The following KIAA1549L variants were observed in gnomAD, a reference collection of about 807,000 sequenced individuals.
The protein encoded by KIAA1549L is KIAA1549 like.
In KIAA1549L, 88 loss-of-function variants were observed where a neutral mutation model predicts 160.7. The observed-to-expected ratio is 0.55, with a 90% confidence interval of 0.46 to 0.65. KIAA1549L has a LOEUF of 0.65. KIAA1549L is among the 30% of genes least tolerant of loss of function. KIAA1549L has a pLI of 0.00. For synonymous variants in KIAA1549L, 950 were observed against 976.7 expected (o/e 0.97, Z 0.51); for missense variants, 2,258 against 2,437.5 (o/e 0.93, Z 1.55).
At chr11:33,481,435 G>T (rs1852409812) in intron 1 of KIAA1549L, among the ~76,000 whole-genome samples, 1 of 152,164 alleles carries the variant, frequency 6.6e-6, no homozygotes, top group Non-Finnish European at 1.5e-5. Context: ...TAGTTTTAAT[G>T]CATAAATTGT....
intron 1 of KIAA1549L, among the ~76,000 whole-genome samples, chr11:33,503,109 A>G (rs1852990575): frequency 6.6e-6 from 1 of 152,176 alleles, no homozygotes; most frequent in Admixed American, 6.5e-5. Context: ...AGTCCCCCTC[A>G]TGCCACCTTT....
intron 1 of KIAA1549L, among the ~76,000 whole-genome samples, chr11:33,401,049 T>C (rs1850488408): frequency 6.6e-6 from 1 of 152,168 alleles, no homozygotes; most frequent in South Asian, 2.1e-4. Flanking sequence ...GTCCCAGGTC[T>C]AAGGATGAGA....
chr11:33,450,265 G>A (rs1479629805), intron 1 of KIAA1549L, among the ~76,000 whole-genome samples: 2 of 152,108 alleles, frequency 1.3e-5, no homozygotes, highest in African/African-American at 2.4e-5. Flanking sequence ...AGACGTATCC[G>A]TAGAAAACTG....
chr11:33,531,765 G>A (rs190927143), intron 1 of KIAA1549L, among the ~76,000 whole-genome samples: 12 of 152,312 alleles, frequency 7.9e-5, no homozygotes, highest in East Asian at 3.9e-4. Context: ...ACTTAGGGCC[G>A]TGGAAGGGTT....
At chr11:33,437,816 T>G (rs542691652) in intron 1 of KIAA1549L, among the ~76,000 whole-genome samples, 16 of 152,174 alleles carry the variant, frequency 1.1e-4, no homozygotes, top group African/African-American at 2.9e-4. Context: ...AGTGGGTCAG[T>G]TGGGAAGTCA....
Position 33,439,348 on chromosome 11 carries a change from A to T in KIAA1549L, c.238+62459A>T, listed in dbSNP as rs529420390. Among the ~76,000 whole-genome samples the T allele has an allele frequency of 5.9e-5, 9 of 152,278 alleles. No homozygotes were observed. The South Asian group carries it at 1.9e-3, about 32-fold the overall frequency. On this transcript the variant is annotated intron_variant, in intron 1 of 20. Transcript: ENST00000658780. The stretch of plus-strand genomic sequence containing the variant: ...CATGCATAGGATATATACTGATCAG[A>T]TCAAGGTATTTGGGGGTATCTATCA...
intron 1 of KIAA1549L, among the ~76,000 whole-genome samples, chr11:33,408,962 A>AG (rs2134083439): frequency 6.6e-6 from 1 of 151,086 alleles, no homozygotes; most frequent in East Asian, 1.9e-4. Context: ...AAAAAAAAAA[A>AG]AAAAAAAAAT....
intron 1 of KIAA1549L, among the ~76,000 whole-genome samples, chr11:33,478,379 T>C (rs113635643): frequency 6.6e-6 from 1 of 152,218 alleles, no homozygotes; most frequent in Admixed American, 6.5e-5. Context: ...AGTTTTGTCT[T>C]GGGGAAAACA....
At chr11:33,427,665 G>T (rs1169783941) in intron 1 of KIAA1549L, among the ~76,000 whole-genome samples, 2 of 152,034 alleles carry the variant, frequency 1.3e-5, no homozygotes, top group Admixed American at 6.6e-5. Context: ...TCATTTTGGT[G>T]TTTTAAAGTG....
At chr11:33,387,300 C>G (rs1554972623) in intron 1 of KIAA1549L, among the ~76,000 whole-genome samples, 2 of 151,862 alleles carry the variant, frequency 1.3e-5, no homozygotes, top group East Asian at 1.9e-4. Context: ...CATTCTCTCT[C>G]TCTTTATTTT....
intron 17 of KIAA1549L, among the ~76,000 whole-genome samples, chr11:33,650,285 A>G (rs963428469): frequency 3.3e-5 from 5 of 152,174 alleles, no homozygotes; most frequent in Non-Finnish European, 5.9e-5. Context: ...AAATCCTTAT[A>G]ATGAGTAAAA....
chr11:33,564,293 C>T (rs1854974315), intron 8 of KIAA1549L, among the ~76,000 whole-genome samples: 1 of 152,214 alleles, frequency 6.6e-6, no homozygotes, highest in African/African-American at 2.4e-5. Context: ...CCCAGACATG[C>T]ATCACAGGCT....
At chr11:33,659,473 A>G (rs185251068) in intron 19 of KIAA1549L, among the ~76,000 whole-genome samples, 6 of 152,376 alleles carry the variant, frequency 3.9e-5, no homozygotes, top group Middle Eastern at 3.4e-3. Context: ...GATAAGCCAC[A>G]GTTTAGACTT....
chr11:33,556,486 A>C (rs1024370607), intron 6 of KIAA1549L, among the ~76,000 whole-genome samples: 1 of 152,220 alleles, frequency 6.6e-6, no homozygotes, highest in African/African-American at 2.4e-5. Flanking sequence ...TTTAAAAATG[A>C]AGGAAATAAT....
In KIAA1549L at chr11:33,433,685, A is replaced by AAC. The variant is rs567687659; in HGVS notation, c.238+56797_238+56798dup. ...TTTACAATAGCAAAGACATGGAACCAACCCAAATGCCCATCAATTATAGAC... is the reference window on the plus strand; with the variant it reads ...TTTACAATAGCAAAGACATGGAACCAACACCCAAATGCCCATCAATTATAGAC... On this transcript the variant is annotated intron_variant, in intron 1 of 20. Transcript: ENST00000658780. Among the ~76,000 whole-genome samples, 1,498 of 152,316 alleles carry AAC rather than the reference A, an allele frequency of 9.8e-3. 20 individuals are homozygous for AAC. The highest frequency in any genetic ancestry group is 0.041 in the South Asian group (200 of 4,830).
chr11:33,596,432 G>T (rs1471708796), intron 12 of KIAA1549L, among the ~76,000 whole-genome samples: 1 of 152,090 alleles, frequency 6.6e-6, no homozygotes, highest in Admixed American at 6.6e-5. Context: ...GAAATGGTAT[G>T]AAAATGCTAC....
At chr11:33,403,020 A>G (rs750769559) in intron 1 of KIAA1549L, among the ~76,000 whole-genome samples, 1 of 151,568 alleles carries the variant, frequency 6.6e-6, no homozygotes, top group Non-Finnish European at 1.5e-5. Context: ...GAGAGGCAAT[A>G]CTCTTTTCTG....
intron 1 of KIAA1549L, among the ~76,000 whole-genome samples, chr11:33,537,535 T>A (rs1001994372): frequency 7.9e-5 from 12 of 152,138 alleles, no homozygotes; most frequent in African/African-American, 2.9e-4. Context: ...TGGTGGAGAA[T>A]TCACTGACTT....
chr11:33,435,946 C>A (rs1590243039), intron 1 of KIAA1549L, among the ~76,000 whole-genome samples: 2 of 126,044 alleles, frequency 1.6e-5, no homozygotes, highest in Non-Finnish European at 3.2e-5. Flanking sequence ...CAACCAACTT[C>A]AGAGCTAAAA....
Sources: gnomAD v4.1 joint callset for allele counts (sites outside exome capture counted in the v4.1 genomes callset) on GRCh38, gnomAD v4.1.1 for gene constraint, MANE v1.5 for transcripts, NCBI Gene and HGNC (gene_info 2026-07-23, HGNC 2026-07-21) for gene names.